FAF1: variants seen among roughly 807,000 people sequenced by gnomAD.
FAF1 encodes Fas associated factor 1.
FAF1 carries 25 observed loss-of-function variants against 92.5 expected under a neutral mutation model. The observed-to-expected ratio is 0.27, with a 90% CI of 0.20 to 0.38. The LOEUF (loss-of-function observed/expected upper bound fraction) is 0.38. FAF1 is among the 10% of genes least tolerant of loss of function. The probability of loss-of-function intolerance (pLI) is 1.00; values close to 1 mark genes in which losing one functional copy is unlikely to be tolerated. For synonymous variants in FAF1, 234 were observed against 273.2 expected, an observed-to-expected ratio of 0.86 and a Z score of 1.42; for missense variants, 636 against 793.3, an observed-to-expected ratio of 0.80 and a Z score of 2.38.
intron 13 of FAF1, among the ~76,000 whole-genome samples, chr1:50,564,526 C>A (rs1410274824): frequency 1.3e-5 from 2 of 152,074 alleles, no homozygotes; most frequent in East Asian, 3.9e-4. Flanking sequence ...TTGACATGTA[C>A]CCCATGGATC....
chr1:50,646,714 T>C (rs893448447), intron 8 of FAF1, among the ~76,000 whole-genome samples: 6 of 152,200 alleles, frequency 3.9e-5, no homozygotes, highest in Admixed American at 3.9e-4. Flanking sequence ...TGTCATTGTT[T>C]ATATATGTCT....
intron 1 of FAF1, among the ~76,000 whole-genome samples, chr1:50,940,711 GA>G (rs1344377065): frequency 1.3e-5 from 2 of 152,188 alleles, no homozygotes; most frequent in East Asian, 3.8e-4. Context: ...GTACTTTCAA[GA>G]AAGAATTTTA....
At chr1:50,923,487 G>A (rs542518278) in intron 1 of FAF1, among the ~76,000 whole-genome samples, 3 of 152,100 alleles carry the variant, frequency 2.0e-5, no homozygotes, top group Non-Finnish European at 2.9e-5. Flanking sequence ...CTTCACTGCT[G>A]AATTCTACAA....
rs147647466 is a variant in FAF1, at chr1:50,885,295, T to TTC, written c.46-27300_46-27299dup. On this transcript the variant is annotated intron_variant, in intron 1 of 18. Transcript: ENST00000396153. ...GGTTTCCCATTCTCTCCGTGTCTCT[T>TTC]TCTCTCTCTCTCTCTCTCACACACA... Among the ~76,000 whole-genome samples the TTC allele has an allele frequency of 3.9e-3, 537 of 137,352 alleles. 7 individuals carry two copies. Among genetic ancestry groups the TTC allele is most frequent in the South Asian group, 7.5e-3 (34 of 4,510 alleles). 90.1% of individuals were successfully genotyped at this position (137,352 alleles called of 152,430 possible). A position where few individuals can be genotyped will look rare whatever the true frequency, so the allele number is the denominator to read the frequency against.
chr1:50,769,698 T>C (rs1270317777), intron 4 of FAF1, among the ~76,000 whole-genome samples: 1 of 152,122 alleles, frequency 6.6e-6, no homozygotes, highest in Admixed American at 6.6e-5. Flanking sequence ...AAAAACCACA[T>C]GATCATTTCA....
intron 15 of FAF1, among the ~76,000 whole-genome samples, chr1:50,498,141 C>T (rs1402169640): frequency 5.3e-5 from 8 of 151,964 alleles, no homozygotes; most frequent in African/African-American, 1.9e-4. Context: ...ACAAGGGTGG[C>T]AAGACCATTC....
At chr1:50,612,060 T>C (rs1421075729) in intron 8 of FAF1, among the ~76,000 whole-genome samples, 1 of 152,214 alleles carries the variant, frequency 6.6e-6, no homozygotes, top group African/African-American at 2.4e-5. Flanking sequence ...GGCCACATAA[T>C]TTCAGTATCT....
chr1:50,467,851 A>G (rs1316648250), intron 18 of FAF1, among the ~76,000 whole-genome samples: 1 of 152,178 alleles, frequency 6.6e-6, no homozygotes, highest in Non-Finnish European at 1.5e-5. Flanking sequence ...TAAAAAAAGC[A>G]GGTGAGGTGA....
At chr1:50,647,013 T>A (rs1004763219) in intron 8 of FAF1, among the ~76,000 whole-genome samples, 6 of 151,878 alleles carry the variant, frequency 4.0e-5, no homozygotes, top group Non-Finnish European at 5.9e-5. Context: ...GCCCAGCTAA[T>A]TTTTTTTGTA....
At chr1:50,770,413 G>C (rs1376452872) in intron 4 of FAF1, among the ~76,000 whole-genome samples, 1 of 152,136 alleles carries the variant, frequency 6.6e-6, no homozygotes, top group Non-Finnish European at 1.5e-5. Context: ...CAATGTTTCA[G>C]GATACAAAAT....
chr1:50,746,834 C>T lies in FAF1; in HGVS notation c.368-2059G>A, dbSNP rs562065764. On this transcript the variant is annotated intron_variant, in intron 4 of 18. Transcript: ENST00000396153. ...CTGCCATCACTGGCCCAGAGGCCTA[C>T]GAGGTGGGTGAGACCCAGGGCCTCA... Among the ~76,000 whole-genome samples, 17 of 152,302 alleles carry T rather than the reference C, an allele frequency of 1.1e-4. No homozygotes were observed. The South Asian group carries it at 1.9e-3, about 17-fold the overall frequency.
chr1:50,763,391 C>A (rs921915527), intron 4 of FAF1, among the ~76,000 whole-genome samples: 1 of 152,062 alleles, frequency 6.6e-6, no homozygotes, highest in Non-Finnish European at 1.5e-5. Context: ...TGCCTTGATG[C>A]GGTTTCCTCT....
intron 8 of FAF1, among the ~76,000 whole-genome samples, chr1:50,614,696 G>A (rs1394333227): frequency 2.0e-5 from 3 of 151,942 alleles, no homozygotes; most frequent in Non-Finnish European, 4.4e-5. Flanking sequence ...AAAATTAGCT[G>A]GGCGTCATGG....
intron 1 of FAF1, among the ~76,000 whole-genome samples, chr1:50,926,827 T>C (rs540658141): frequency 2.6e-5 from 4 of 152,362 alleles, no homozygotes; most frequent in South Asian, 4.1e-4. Context: ...CCCATGTTCA[T>C]AGTACCATTG....
chr1:50,495,364 T>C (rs1295227183), intron 15 of FAF1, among the ~76,000 whole-genome samples: 2 of 152,216 alleles, frequency 1.3e-5, no homozygotes, highest in African/African-American at 4.8e-5. Flanking sequence ...CATGTGACGT[T>C]TGTAGTTCTG....
At chr1:50,535,488 A>G (rs972790513) in intron 14 of FAF1, 31 bp from the exon 15 acceptor site, 2 of 1,300,208 alleles carry the variant, frequency 1.5e-6, no homozygotes, top group African/African-American at 2.9e-5. Flanking sequence ...CCAAACTTTT[A>G]TAATCATTTT....
intron 8 of FAF1, among the ~76,000 whole-genome samples, chr1:50,628,719 C>G (rs1447614589): frequency 6.6e-6 from 1 of 152,134 alleles, no homozygotes; most frequent in Non-Finnish European, 1.5e-5. Context: ...ACAGAAAGAC[C>G]TAGTTACCGT....
At chr1:50,959,632 C>T (rs1249252755) in intron 1 of FAF1, 135 bp downstream of exon 1, 7 of 594,104 alleles carry the variant, frequency 1.2e-5, no homozygotes, top group African/African-American at 1.9e-5. Flanking sequence ...CACACACACA[C>T]ACACACGCCA....
At chr1:50,881,928 C>G (rs1644615830) in intron 1 of FAF1, among the ~76,000 whole-genome samples, 1 of 151,856 alleles carries the variant, frequency 6.6e-6, no homozygotes, top group South Asian at 2.1e-4. Flanking sequence ...AGCTGGAAAC[C>G]CTGAAAATTG....
Sources: allele counts gnomAD v4.1 joint callset (sites outside exome capture counted in the v4.1 genomes callset), GRCh38; gene constraint gnomAD v4.1.1; transcripts MANE v1.5; gene names NCBI Gene and HGNC (gene_info 2026-07-23, HGNC 2026-07-21).